Variants in PC observed in about 807,000 individuals in gnomAD.
PC encodes pyruvate carboxylase, mitochondrial.
PC carries 46 observed loss-of-function variants against 107.8 expected under a neutral mutation model. That is an observed-to-expected ratio of 0.43 (90% CI 0.34 to 0.55). The LOEUF (loss-of-function observed/expected upper bound fraction) is 0.55. Among genes scored for constraint, PC ranks in the 20% least tolerant of loss-of-function variants. PC has a pLI of 0.04. For synonymous variants in PC, 662 were observed against 684.7 expected (o/e 0.97, Z 0.52); for missense variants, 1,241 against 1,643.1 (o/e 0.76, Z 4.23).
intron 3 of PC, among the ~76,000 whole-genome samples, chr11:66,889,079 A>C (rs2136004921): frequency 6.6e-6 from 1 of 152,324 alleles, no homozygotes; most frequent in East Asian, 1.9e-4. Flanking sequence ...ATCTCAAAAA[A>C]CAAAACAAAA....
intron 3 of PC, among the ~76,000 whole-genome samples, chr11:66,940,914 A>AAAATACAAAATACACGTCTCTACT (rs1269961450): frequency 9.4e-4 from 143 of 151,824 alleles, no homozygotes; most frequent in Admixed American, 4.8e-3. Flanking sequence ...CGTCTCTACT[A>AAAATACAAAATACACGTCTCTACT]AAAATACAAA....
intron 12 of PC, chr11:66,856,691 TGCCCAGCGACATGTGACAAAGAC>T (rs1230962743): frequency 1.3e-5 from 2 of 151,648 alleles, no homozygotes; most frequent in African/African-American, 2.4e-5. Context: ...TTGGGGAGGG[TGCCCAGCGACATGTGACAAAGAC>T]GCCCGTCTCC....
At chr11:66,860,560 G>C (rs1330470245) in intron 12 of PC, 1 of 701,520 alleles carries the variant, frequency 1.4e-6, no homozygotes, top group African/African-American at 1.7e-5. Flanking sequence ...GACAAGGGTG[G>C]GGCTACCAGG....
intron 12 of PC, chr11:66,859,814 G>A (rs746109611): frequency 3.2e-6 from 5 of 1,585,100 alleles, no homozygotes; most frequent in Non-Finnish European, 3.4e-6. Context: ...GCCACGCCCT[G>A]CAGGCCCACG....
chr11:66,860,312 C>G (rs1169840897), intron 12 of PC: 1 of 1,414,196 alleles, frequency 7.1e-7, no homozygotes, highest in Non-Finnish European at 9.7e-7. Context: ...CTCAGGCTCC[C>G]CTGTGTACTT....
chr11:66,923,276 C>T (rs1948636432), intron 3 of PC, among the ~76,000 whole-genome samples: 1 of 151,326 alleles, frequency 6.6e-6, no homozygotes, highest in Non-Finnish European at 1.5e-5. Context: ...GCAGGAGAAT[C>T]GCTTGAACCT....
At chr11:66,864,047 C>T in intron 11 of PC, 91 bp from the exon 12 acceptor site, 1 of 1,309,902 alleles carries the variant, frequency 7.6e-7, no homozygotes, top group Non-Finnish European at 1.1e-6. Flanking sequence ...GTGCACCCAG[C>T]AGCTGCTGAG....
rs930022211 is a variant in PC, at chr11:66,850,873, G to A, written c.2274C>T (p.Ser758=). The A allele has an allele frequency of 3.1e-6, 5 of 1,611,310 alleles. No homozygotes were observed. Among genetic ancestry groups the A allele is most frequent in the Non-Finnish European group, 4.2e-6 (5 of 1,180,000 alleles). Residue 758 remains serine (S), a synonymous_variant, in exon 18 of 23, where the codon TCC becomes TCT. Transcript: ENST00000393960. The stretch of plus-strand genomic sequence containing the variant: ...GGAGGTCGGGGAAGCGGTCCCGGAG[G>A]GAGCTGACCAGCATGGTGCAGGCCG... ...KPTACTMLVS[S]LRDRFPDLPL...
intron 3 of PC, among the ~76,000 whole-genome samples, chr11:66,879,915 G>A (rs1947125162): frequency 1.3e-5 from 2 of 152,202 alleles, no homozygotes. Flanking sequence ...AGGAGCTGCT[G>A]TGAATGACGG....
intron 12 of PC, among the ~76,000 whole-genome samples, chr11:66,861,222 A>G (rs1020217333): frequency 5.9e-5 from 9 of 152,132 alleles, no homozygotes; most frequent in Non-Finnish European, 1.3e-4. Context: ...GCAGCCTCCG[A>G]CCTGGCCCAG....
chr11:66,850,474 G>A lies in PC; in HGVS notation c.2474-10C>T. 6.2e-7 allele frequency: 1 copy of A among 1,613,876 alleles called. No individual in the cohort carries two copies. Among genetic ancestry groups the A allele is most frequent in the South Asian group, 1.1e-5 (1 of 91,086 alleles). On this transcript the variant is annotated splice_polypyrimidine_tract_variant and intron_variant, in intron 18 of 22. Coordinates refer to ENST00000393960, the MANE Select transcript of PC (RefSeq NM_001040716.2). Reference sequence around the variant, plus strand: ...CGCTCCATGGGCACCTCTGCAGGGAGGCCAGAGTCAGAGGAGGCCTTAGAA... The same window carrying A: ...CGCTCCATGGGCACCTCTGCAGGGAAGCCAGAGTCAGAGGAGGCCTTAGAA...
intron 1 of PC, chr11:66,958,041 G>A (rs374283671): frequency 6.6e-6 from 1 of 151,626 alleles, no homozygotes; most frequent in African/African-American, 2.4e-5. Flanking sequence ...CCCGCAGGCG[G>A]ACGCTGCGGA....
chr11:66,913,935 T>C (rs1013646724), intron 3 of PC, among the ~76,000 whole-genome samples: 1 of 152,086 alleles, frequency 6.6e-6, no homozygotes, highest in Non-Finnish European at 1.5e-5. Flanking sequence ...TGCCCAGGCC[T>C]AAGGCTGCTA....
At chr11:66,927,893 G>A (rs1046012121) in intron 3 of PC, among the ~76,000 whole-genome samples, 2 of 152,084 alleles carry the variant, frequency 1.3e-5, no homozygotes, top group Non-Finnish European at 2.9e-5. Context: ...CTAAGAGAAA[G>A]AAGAAAATAA....
intron 2 of PC, among the ~76,000 whole-genome samples, chr11:66,953,999 TTAA>T (rs150479029): frequency 0.01 from 1,528 of 152,278 alleles, 28 homozygotes; most frequent in African/African-American, 0.034. Context: ...ACTTTTATTA[TTAA>T]TAACAATAAA....
At chr11:66,934,310 G>A (rs1233824338) in intron 3 of PC, 3 of 152,518 alleles carry the variant, frequency 2.0e-5, no homozygotes, top group African/African-American at 7.2e-5. Context: ...CAAGTGTCAG[G>A]CACATGACTG....
intron 3 of PC, among the ~76,000 whole-genome samples, chr11:66,913,673 A>AG: frequency 6.6e-6 from 1 of 151,852 alleles, no homozygotes; most frequent in African/African-American, 2.4e-5. Context: ...AAAAAAAAAA[A>AG]AAAAAGAAAG....
chr11:66,932,606 C>T (rs1316414161), intron 3 of PC, among the ~76,000 whole-genome samples: 2 of 152,208 alleles, frequency 1.3e-5, no homozygotes, highest in Non-Finnish European at 2.9e-5. Context: ...TGCATTTGCC[C>T]TTTAGCCCAG....
chr11:66,891,219 A>G (rs908710158), intron 3 of PC, among the ~76,000 whole-genome samples: 1 of 151,564 alleles, frequency 6.6e-6, no homozygotes, highest in Non-Finnish European at 1.5e-5. Context: ...AACATGCCCA[A>G]CTAATTTTTT....
Sources: gnomAD v4.1 joint callset for allele counts (sites outside exome capture counted in the v4.1 genomes callset) on GRCh38, gnomAD v4.1.1 for gene constraint, MANE v1.5 for transcripts, NCBI Gene and HGNC (gene_info 2026-07-23, HGNC 2026-07-21) for gene names.